The following RAB30 variants were observed in gnomAD, a reference collection of about 807,000 sequenced individuals.
RAB30 encodes the protein RAB30, member RAS oncogene family, also known as ras-related protein Rab-30.
Under a neutral mutation model 25.1 loss-of-function variants are expected in RAB30, and 9 were observed. That is an observed-to-expected ratio of 0.36 (90% CI 0.22 to 0.63). The LOEUF (loss-of-function observed/expected upper bound fraction) is 0.63. RAB30 is among the 20% of genes least tolerant of loss of function. RAB30 has a pLI of 0.69. For synonymous variants in RAB30, 77 were observed against 86.4 expected (o/e 0.89, Z 0.60); for missense variants, 140 against 243.5 (o/e 0.58, Z 2.83).
Position 82,987,693 on chromosome 11 carries a change from C to T in RAB30, c.255G>A (p.Leu85=). 6.2e-7 allele frequency: 1 copy of T among 1,613,286 alleles called. No individual in the cohort carries two copies. Among genetic ancestry groups the T allele is most frequent in the Non-Finnish European group, 8.5e-7 (1 of 1,179,466 alleles). ...TQSYYRSANA[L]ILTYDITCEE... is the part of the protein sequence containing the mutation. ...CACAGGTAATGTCATAGGTGAGGATCAAGGCATTGGCGCTTCGGTAGTAAC... is the reference window on the plus strand; with the variant it reads ...CACAGGTAATGTCATAGGTGAGGATTAAGGCATTGGCGCTTCGGTAGTAAC... The change falls in exon 4 of 5, where the codon TTG becomes TTA. Residue 85 remains leucine (L), a synonymous_variant. Coordinates refer to ENST00000527633, the MANE Select transcript of RAB30 (RefSeq NM_001286060.2).
At chr11:83,008,699 C>T (rs932551923) in intron 1 of RAB30, among the ~76,000 whole-genome samples, 4 of 152,094 alleles carry the variant, frequency 2.6e-5, no homozygotes, top group African/African-American at 4.8e-5. Context: ...CACACACACT[C>T]ACACAGCATA....
chr11:82,978,302 T>A lies in RAB30; in HGVS notation c.*3863A>T, dbSNP rs1419617053. 1 of 152,180 alleles carries A rather than the reference T, an allele frequency of 6.6e-6. No homozygotes were observed. The highest frequency in any genetic ancestry group is 1.5e-5 in the Non-Finnish European group (1 of 68,024). The allele number at this position is 152,180 out of a possible 1,614,324, so 9.4% of individuals were successfully genotyped here. Reference sequence around the variant, plus strand: ...GCAATGATCCCTAAGTACTCATTACTATGAAATACAGAGTTCTACAAGATT... The same window carrying A: ...GCAATGATCCCTAAGTACTCATTACAATGAAATACAGAGTTCTACAAGATT... On this transcript the variant is annotated 3_prime_UTR_variant, in exon 5 of 5. Transcript: ENST00000527633.
Position 83,037,918 on chromosome 11 carries a change from C to T in RAB30, c.-9+33773G>A, listed in dbSNP as rs537682735. Among the ~76,000 whole-genome samples, 3 of 152,046 alleles carry T rather than the reference C, an allele frequency of 2.0e-5. No homozygotes were observed. In the South Asian group the frequency reaches 6.2e-4, roughly 32 times the overall value. On this transcript the variant is annotated intron_variant, in intron 1 of 4. Coordinates refer to ENST00000527633, the MANE Select transcript of RAB30 (RefSeq NM_001286060.2). ...TGTGGCCATCACTGCCAAACTGGGACCAACGTGCGGAAGACAGACAGGAAA... is the reference window on the plus strand; with the variant it reads ...TGTGGCCATCACTGCCAAACTGGGATCAACGTGCGGAAGACAGACAGGAAA...
At chr11:83,010,524 T>TATTATGA (rs1391904400) in intron 1 of RAB30, among the ~76,000 whole-genome samples, 1 of 152,212 alleles carries the variant, frequency 6.6e-6, no homozygotes, top group Admixed American at 6.5e-5. Context: ...AGATTATGAA[T>TATTATGA]AGCTTATTTC....
chr11:82,991,782 A>G (rs1307442485), intron 3 of RAB30, among the ~76,000 whole-genome samples: 1 of 152,216 alleles, frequency 6.6e-6, no homozygotes, highest in African/African-American at 2.4e-5. Flanking sequence ...TGGGGATAGA[A>G]AGTGTGCTGT....
intron 1 of RAB30, among the ~76,000 whole-genome samples, chr11:83,045,758 A>G (rs1260189561): frequency 6.6e-6 from 1 of 152,234 alleles, no homozygotes; most frequent in Non-Finnish European, 1.5e-5. Flanking sequence ...TACATATTAT[A>G]GTAACTTTAG....
chr11:83,015,003 C>T (rs1445831481), intron 1 of RAB30, among the ~76,000 whole-genome samples: 1 of 152,120 alleles, frequency 6.6e-6, no homozygotes, highest in Admixed American at 6.5e-5. Flanking sequence ...TGAGGCTGAG[C>T]ACATGGTCAA....
At chr11:83,013,740 A>G (rs1267959370) in intron 1 of RAB30, among the ~76,000 whole-genome samples, 1 of 152,260 alleles carries the variant, frequency 6.6e-6, no homozygotes, top group Non-Finnish European at 1.5e-5. Context: ...GTGCAGGTCA[A>G]TTAAATATAA....
intron 1 of RAB30, among the ~76,000 whole-genome samples, chr11:83,016,284 C>T (rs1857436564): frequency 6.6e-6 from 1 of 151,958 alleles, no homozygotes; most frequent in Non-Finnish European, 1.5e-5. Flanking sequence ...GAAAGTCAGA[C>T]CAAAACTATG....
chr11:82,994,237 G>A, intron 2 of RAB30, 115 bp from the exon 3 acceptor site: 1 of 824,808 alleles, frequency 1.2e-6, no homozygotes, highest in Non-Finnish European at 2.0e-6. Flanking sequence ...TGAGGTGACT[G>A]GTAGAAAAGA....
chr11:83,010,810 T>C (rs1857286665), intron 1 of RAB30, among the ~76,000 whole-genome samples: 2 of 152,166 alleles, frequency 1.3e-5, no homozygotes, highest in Non-Finnish European at 2.9e-5. Context: ...ACTCATTACC[T>C]CTTATCTAAA....
chr11:83,060,880 G>A (rs928269631), intron 1 of RAB30, among the ~76,000 whole-genome samples: 8 of 152,264 alleles, frequency 5.3e-5, no homozygotes, highest in South Asian at 2.1e-4. Context: ...TCTGCTGGGG[G>A]CCTGGAGAAA....
intron 1 of RAB30, among the ~76,000 whole-genome samples, chr11:83,016,791 G>C (rs1339383342): frequency 6.6e-6 from 1 of 152,212 alleles, no homozygotes; most frequent in African/African-American, 2.4e-5. Context: ...GAACTTGGGA[G>C]CACCAATGCA....
At chr11:83,013,938 G>A (rs1194445342) in intron 1 of RAB30, among the ~76,000 whole-genome samples, 2 of 152,218 alleles carry the variant, frequency 1.3e-5, no homozygotes, top group South Asian at 2.1e-4. Flanking sequence ...TGAGACATAA[G>A]TGTTGGCCTC....
At chr11:83,048,606 T>C (rs1858284906) in intron 1 of RAB30, among the ~76,000 whole-genome samples, 1 of 152,074 alleles carries the variant, frequency 6.6e-6, no homozygotes, top group East Asian at 1.9e-4. Flanking sequence ...CCAGAGGAGG[T>C]AGGCAAACAT....
chr11:83,037,071 T>A (rs12804442), intron 1 of RAB30, among the ~76,000 whole-genome samples: 22,897 of 151,074 alleles, frequency 0.15, 1,819 homozygotes, highest in Middle Eastern at 0.23. Flanking sequence ...GTGTAGGGAG[T>A]GGGCAAGACT....
intron 1 of RAB30, among the ~76,000 whole-genome samples, chr11:83,008,963 C>T (rs1387668628): frequency 1.3e-5 from 2 of 152,128 alleles, no homozygotes; most frequent in Admixed American, 1.3e-4. Context: ...CCCAAATTCA[C>T]CTCTCTTCAA....
chr11:83,059,306 A>G (rs1858517297), intron 1 of RAB30, among the ~76,000 whole-genome samples: 2 of 152,212 alleles, frequency 1.3e-5, no homozygotes, highest in Admixed American at 1.3e-4. Context: ...GTTCACAAAT[A>G]TATACTGTTC....
chr11:83,055,337 C>T (rs1478207081), intron 1 of RAB30, among the ~76,000 whole-genome samples: 1 of 152,220 alleles, frequency 6.6e-6, no homozygotes, highest in Non-Finnish European at 1.5e-5. Flanking sequence ...CTGACCACAG[C>T]AAAGATGGCT....
Sources: allele counts gnomAD v4.1 joint callset (sites outside exome capture counted in the v4.1 genomes callset), GRCh38; gene constraint gnomAD v4.1.1; transcripts MANE v1.5; gene names NCBI Gene and HGNC (gene_info 2026-07-23, HGNC 2026-07-21).